The following PJVK variants were observed in gnomAD, a reference collection of about 807,000 sequenced individuals.
PJVK encodes the protein autosomal recessive deafness type 59 protein.
Under a neutral mutation model 37.6 loss-of-function variants are expected in PJVK, and 33 were observed. The ratio of observed to expected loss-of-function variants is 0.88; its 90% CI spans 0.67 to 1.17. The LOEUF (loss-of-function observed/expected upper bound fraction) is 1.17. PJVK is among the 50% of genes most tolerant of loss of function. The pLI is 0.00. For missense variants in PJVK, 410 were observed against 413.8 expected (o/e 0.99, Z 0.08); for synonymous variants, 141 against 143.5 (o/e 0.98, Z 0.13).
At position 178,461,331 on chromosome 2, in the gene PJVK, C is replaced by T; in HGVS notation, c.*57C>T. ...TAGGTGCAGTTGTGCCACAAACCTT[C>T]CCTAAATTATCTAGGTTTGCTTTGA... On this transcript the variant is annotated 3_prime_UTR_variant, in exon 7 of 7. Transcript: ENST00000644580. The T allele has an allele frequency of 6.9e-6, 11 of 1,587,648 alleles. No individual in the cohort carries two copies. Among genetic ancestry groups the T allele is most frequent in the Non-Finnish European group, 9.5e-6 (11 of 1,160,698 alleles).
intron 6 of PJVK, 32 bp from the exon 7 acceptor site, chr2:178,460,950 A>G: frequency 6.2e-7 from 1 of 1,603,904 alleles, no homozygotes; most frequent in Non-Finnish European, 8.5e-7. Context: ...TTTCACTTCT[A>G]ACACATTTCT....
In PJVK at chr2:178,461,137, C is replaced by A. The variant is rs1316759937; in HGVS notation, c.922C>A (p.Pro308Thr). 3.1e-6 allele frequency: 5 copies of A among 1,614,148 alleles called. No individual in the cohort carries two copies. Among genetic ancestry groups the A allele is most frequent in the South Asian group, 1.1e-5 (1 of 91,092 alleles). Residue 308 changes from proline (P) to threonine (T), a missense_variant, in exon 7 of 7, where the codon CCT becomes ACT. Pro to Thr is a conservative substitution (Grantham distance 38). Coordinates refer to ENST00000644580, the MANE Select transcript of PJVK (RefSeq NM_001042702.5). ...NLLNHNIPKG[P>T]CILCGMGNFK... Reference sequence around the variant, plus strand: ...ACTTAATCACAACATTCCCAAAGGGCCTTGCATACTCTGTGGAATGGGGAA... The same window carrying A: ...ACTTAATCACAACATTCCCAAAGGGACTTGCATACTCTGTGGAATGGGGAA...
At chr2:178,456,462 A>G (rs1322269876) in intron 4 of PJVK, among the ~76,000 whole-genome samples, 1 of 151,924 alleles carries the variant, frequency 6.6e-6, no homozygotes, top group Non-Finnish European at 1.5e-5. Flanking sequence ...AATTGATTTT[A>G]TTTTTAAGTG....
chr2:178,453,973 A>G (rs1466372057), intron 2 of PJVK: 8 of 315,850 alleles, frequency 2.5e-5, no homozygotes, highest in Non-Finnish European at 4.4e-5. Context: ...ATTTTTTACA[A>G]TTCAATTATT....
chr2:178,453,737 T>G, intron 2 of PJVK, 117 bp downstream of exon 2: 1 of 838,178 alleles, frequency 1.2e-6, no homozygotes, highest in South Asian at 1.5e-5. Flanking sequence ...AAAGCAACTT[T>G]TATTATGATG....
intron 1 of PJVK, chr2:178,452,528 G>A (rs754544772): frequency 8.5e-5 from 84 of 985,078 alleles, no homozygotes; most frequent in Non-Finnish European, 9.0e-5. Flanking sequence ...CACAATATAT[G>A]AACTCCGCAT....
chr2:178,456,970 T>A (rs535000087), intron 4 of PJVK, among the ~76,000 whole-genome samples: 1 of 152,308 alleles, frequency 6.6e-6, no homozygotes, highest in African/African-American at 2.4e-5. Flanking sequence ...AAAGCTGAAT[T>A]TATAGATTTT....
chr2:178,460,508 G>A, intron 6 of PJVK, 62 bp downstream of exon 6: 1 of 1,438,454 alleles, frequency 7.0e-7, no homozygotes, highest in Non-Finnish European at 9.7e-7. Context: ...TAACACATGA[G>A]GTTTTCTATT....
In PJVK at chr2:178,461,302, GT is replaced by G. The variant is rs772241698; in HGVS notation, c.*32del. ...TGAAAAATGAATACACCGTGTTGGT[GT>G]TTTAGGTGCAGTTGTGCCACAAACC... On this transcript the variant is annotated 3_prime_UTR_variant, in exon 7 of 7. Coordinates refer to ENST00000644580, the MANE Select transcript of PJVK (RefSeq NM_001042702.5). 3.1e-6 allele frequency: 5 copies of G among 1,612,002 alleles called. No homozygotes were observed. The South Asian group carries it at 4.4e-5, about 14-fold the overall frequency.
In PJVK at chr2:178,458,538, A is replaced by G; in HGVS notation, c.578A>G (p.Lys193Arg). The G allele has an allele frequency of 6.2e-7, 1 of 1,613,870 alleles. No individual in the cohort carries two copies. Among genetic ancestry groups the G allele is most frequent in the Non-Finnish European group, 8.5e-7 (1 of 1,179,748 alleles). The change falls in exon 5 of 7, where the codon AAG becomes AGG. Residue 193 changes from lysine to arginine, a missense_variant. By Grantham distance (26) the Lys-to-Arg change is conservative. Transcript: ENST00000644580. The part of the protein sequence containing the change: ...RFHFMDEQNP[K>R]GRDKAIVFPA... ...CACTTTATGGATGAACAGAATCCCA[A>G]GGGAAGGGACAAAGCTATTGTTTTC...
intron 2 of PJVK, chr2:178,454,129 T>C (rs1441720881): frequency 4.2e-6 from 2 of 475,842 alleles, no homozygotes; most frequent in Non-Finnish European, 7.6e-6. Flanking sequence ...GAATAGAAAA[T>C]TTGAGTTCCT....
At position 178,451,585 on chromosome 2, in the gene PJVK, G is replaced by A; in HGVS notation, c.-207G>A. The stretch of plus-strand genomic sequence containing the variant: ...AAAATTACGAAGGCAGAATTCCAGG[G>A]AGTCTCCCGGGCCTGGTCCTGAAGC... On this transcript the variant is annotated 5_prime_UTR_variant, in exon 1 of 7. Coordinates refer to ENST00000644580, the MANE Select transcript of PJVK (RefSeq NM_001042702.5). 1 of 155,234 alleles carries A rather than the reference G, an allele frequency of 6.4e-6. No homozygotes were observed. Among genetic ancestry groups the A allele is most frequent in the South Asian group, 1.9e-4 (1 of 5,146 alleles). 9.6% of individuals were successfully genotyped at this position (155,234 alleles called of 1,614,324 possible).
intron 5 of PJVK, 145 bp downstream of exon 5, chr2:178,458,772 T>C (rs2154126219): frequency 1.2e-6 from 1 of 812,002 alleles, no homozygotes; most frequent in Non-Finnish European, 2.1e-6. Flanking sequence ...TCTTATGCTT[T>C]GGCAAAATAG....
rs1214141148 is a variant in PJVK, at chr2:178,461,807, A to T, written c.*533A>T. 6.6e-6 allele frequency among the ~76,000 whole-genome samples: 1 copy of T among 150,782 alleles called. No homozygotes were observed. Among genetic ancestry groups the T allele is most frequent in the Non-Finnish European group, 1.5e-5 (1 of 67,704 alleles). On this transcript the variant is annotated 3_prime_UTR_variant, in exon 7 of 7. Transcript: ENST00000644580. ...ACCATCTTGGCCAGGCTGATCTTGAACTCCTGACCTTGTGATCCACTTTCC... is the reference window on the plus strand; with the variant it reads ...ACCATCTTGGCCAGGCTGATCTTGATCTCCTGACCTTGTGATCCACTTTCC...
At chr2:178,459,536 T>TA (rs751841607) in intron 5 of PJVK, among the ~76,000 whole-genome samples, 3 of 152,172 alleles carry the variant, frequency 2.0e-5, no homozygotes, top group Non-Finnish European at 4.4e-5. Context: ...TCCTTTGTGT[T>TA]ACAAACAATC....
At chr2:178,460,294 CAAT>C in intron 5 of PJVK, 51 bp from the exon 6 acceptor site, 1 of 1,418,938 alleles carries the variant, frequency 7.0e-7, no homozygotes, top group Non-Finnish European at 9.9e-7. Context: ...CCCCATCAAA[CAAT>C]AAAATATGAA....
At position 178,454,285 on chromosome 2, in the gene PJVK, A is replaced by G. The variant is rs143794122; in HGVS notation, c.212-47A>G. 4.7e-6 allele frequency: 7 copies of G among 1,500,352 alleles called. No individual in the cohort carries two copies. In the East Asian group the frequency reaches 1.6e-4, roughly 34 times the overall value. The allele number at this position is 1,500,352 out of a possible 1,614,324, so 92.9% of individuals were successfully genotyped here. A position where few individuals can be genotyped will look rare whatever the true frequency, so the allele number is the denominator to read the frequency against. Reference sequence around the variant, plus strand: ...TTTAACATGTTACTATATATAATCTACATAAGATAAAGATGTTTAAAAAAT... The same window carrying G: ...TTTAACATGTTACTATATATAATCTGCATAAGATAAAGATGTTTAAAAAAT... On this transcript the variant is annotated intron_variant, in intron 2 of 6. Coordinates refer to ENST00000644580, the MANE Select transcript of PJVK (RefSeq NM_001042702.5).
In PJVK at chr2:178,461,621, G is replaced by A. The variant is rs759898096; in HGVS notation, c.*347G>A. Among the ~76,000 whole-genome samples the A allele has an allele frequency of 1.6e-5, 2 of 128,914 alleles. No homozygotes were observed. The highest frequency in any genetic ancestry group is 3.2e-5 in the African/African-American group (1 of 31,234). 84.6% of individuals were successfully genotyped at this position (128,914 alleles called of 152,430 possible). Reference sequence around the variant, plus strand: ...TTTTTTTGAGACAGAGCCTTGCTCCGTCACCCAGGCTGGAGTACAGTGGCA... The same window carrying A: ...TTTTTTTGAGACAGAGCCTTGCTCCATCACCCAGGCTGGAGTACAGTGGCA... On this transcript the variant is annotated 3_prime_UTR_variant, in exon 7 of 7. Coordinates refer to ENST00000644580, the MANE Select transcript of PJVK (RefSeq NM_001042702.5).
At position 178,454,414 on chromosome 2, in the gene PJVK, T is replaced by G. The variant is rs750941260; in HGVS notation, c.294T>G (p.Asn98Lys). The G allele has an allele frequency of 6.2e-7, 1 of 1,613,912 alleles. No homozygotes were observed. Among genetic ancestry groups the G allele is most frequent in the Non-Finnish European group, 8.5e-7 (1 of 1,179,982 alleles). ...LYGRRGNHIV[N>K]DVGINVAGSD... ...GAAGGCGAGGTAACCATATTGTAAA[T>G]GACGTTGGGATTAACGTTGCTGGAT... Residue 98 changes from asparagine to lysine, a missense_variant, in exon 3 of 7, where the codon AAT becomes AAG. Physicochemically the swap from Asn to Lys is moderately conservative, Grantham distance 94. Transcript: ENST00000644580.
Sources: allele counts gnomAD v4.1 joint callset (sites outside exome capture counted in the v4.1 genomes callset), GRCh38; gene constraint gnomAD v4.1.1; transcripts MANE v1.5; gene names NCBI Gene and HGNC (gene_info 2026-07-23, HGNC 2026-07-21).